ATP2B2: variants seen among roughly 807,000 people sequenced by gnomAD.
The protein encoded by ATP2B2 is ATPase plasma membrane Ca2+ transporting 2.
A neutral mutation model predicts 120.0 loss-of-function variants in ATP2B2; 15 were observed. The ratio of observed to expected loss-of-function variants is 0.12; its 90% CI spans 0.08 to 0.19. The LOEUF (loss-of-function observed/expected upper bound fraction) is 0.19. Ranked by LOEUF, ATP2B2 falls within the 10% of genes least tolerant of loss-of-function variation. The pLI is 1.00. For missense variants in ATP2B2, 1,045 were observed against 1,719.8 expected (o/e 0.61, Z 6.94); for synonymous variants, 694 against 700.3 (o/e 0.99, Z 0.14).
intron 2 of ATP2B2, among the ~76,000 whole-genome samples, chr3:10,553,415 G>A (rs1173067183): frequency 6.6e-6 from 1 of 152,136 alleles, no homozygotes; most frequent in Non-Finnish European, 1.5e-5. Context: ...GGGTGGAGGG[G>A]AAGAACAATG....
At chr3:10,581,000 G>C (rs1053293298) in intron 2 of ATP2B2, among the ~76,000 whole-genome samples, 4 of 152,198 alleles carry the variant, frequency 2.6e-5, no homozygotes, top group Non-Finnish European at 4.4e-5. Context: ...TTAAGTACAG[G>C]CTATGAGACT....
At chr3:10,437,588 G>T (rs150166645) in intron 2 of ATP2B2, among the ~76,000 whole-genome samples, 1 of 152,312 alleles carries the variant, frequency 6.6e-6, no homozygotes, top group African/African-American at 2.4e-5. Flanking sequence ...CAGTGAGCGT[G>T]TCCCTCATTA....
At chr3:10,491,942 G>A (rs1020275727) in intron 1 of ATP2B2, among the ~76,000 whole-genome samples, 11 of 152,156 alleles carry the variant, frequency 7.2e-5, no homozygotes, top group East Asian at 5.8e-4. Flanking sequence ...GTTAAAATGC[G>A]GGGAAAAAAG....
chr3:10,584,177 A>G (rs1391622076), intron 2 of ATP2B2, among the ~76,000 whole-genome samples: 3 of 152,070 alleles, frequency 2.0e-5, no homozygotes, highest in Non-Finnish European at 4.4e-5. Flanking sequence ...GAGGGGGCAG[A>G]GGCAGGGGCT....
intron 1 of ATP2B2, among the ~76,000 whole-genome samples, chr3:10,472,235 G>A (rs948958374): frequency 5.3e-5 from 8 of 152,172 alleles, no homozygotes; most frequent in African/African-American, 1.9e-4. Context: ...GAAAGAGTGA[G>A]GGCAGTGGCC....
intron 3 of ATP2B2, among the ~76,000 whole-genome samples, chr3:10,526,344 T>A (rs1287883526): frequency 6.6e-6 from 1 of 152,084 alleles, no homozygotes; most frequent in Admixed American, 6.5e-5. Flanking sequence ...CAGGGAAGCT[T>A]TGGTGGAAGC....
intron 22 of ATP2B2, among the ~76,000 whole-genome samples, chr3:10,335,930 T>G (rs61584604): frequency 5.3e-4 from 80 of 152,322 alleles, no homozygotes; most frequent in Admixed American, 1.5e-3. Flanking sequence ...TGACTGACCC[T>G]GGTCCACTGA....
At chr3:10,376,166 T>C (rs2061374987) in intron 10 of ATP2B2, among the ~76,000 whole-genome samples, 1 of 152,012 alleles carries the variant, frequency 6.6e-6, no homozygotes, top group Non-Finnish European at 1.5e-5. Context: ...TTCCTGCCCT[T>C]GAGGAGCAGA....
chr3:10,364,502 G>C (rs992601487), intron 12 of ATP2B2, among the ~76,000 whole-genome samples: 2 of 152,048 alleles, frequency 1.3e-5, no homozygotes, highest in African/African-American at 4.8e-5. Flanking sequence ...CTTGAGGTTG[G>C]GAGTTTGAGA....
intron 3 of ATP2B2, among the ~76,000 whole-genome samples, chr3:10,524,767 C>T (rs1053025064): frequency 1.3e-5 from 2 of 152,168 alleles, no homozygotes; most frequent in Non-Finnish European, 2.9e-5. Flanking sequence ...GTTAAGTAAC[C>T]TCTCCTGGCT....
At chr3:10,648,349 C>T (rs184180497) in intron 1 of ATP2B2, among the ~76,000 whole-genome samples, 5 of 152,286 alleles carry the variant, frequency 3.3e-5, no homozygotes, top group Non-Finnish European at 7.4e-5. Flanking sequence ...TTTCTTCCAA[C>T]ATCTCTGGCC....
chr3:10,594,852 C>A (rs1449800160), intron 2 of ATP2B2, among the ~76,000 whole-genome samples: 2 of 152,140 alleles, frequency 1.3e-5, no homozygotes, highest in African/African-American at 4.8e-5. Flanking sequence ...GGTATCATCA[C>A]CCCCATTTTA....
intron 12 of ATP2B2, 111 bp downstream of exon 12, chr3:10,371,698 A>G (rs1458026204): frequency 9.1e-6 from 14 of 1,534,862 alleles, no homozygotes; most frequent in African/African-American, 1.4e-5. Flanking sequence ...CCATACCAAA[A>G]TATATTAGCA....
At chr3:10,418,853 G>A (rs1004609775) in intron 2 of ATP2B2, among the ~76,000 whole-genome samples, 6 of 152,226 alleles carry the variant, frequency 3.9e-5, no homozygotes, top group African/African-American at 9.6e-5. Flanking sequence ...CCAGGCCACC[G>A]GGGTAGCAGT....
At chr3:10,581,994 A>C (rs534756845) in intron 2 of ATP2B2, among the ~76,000 whole-genome samples, 2 of 152,354 alleles carry the variant, frequency 1.3e-5, no homozygotes, top group South Asian at 4.1e-4. Flanking sequence ...ACTGGTCGGA[A>C]TTTGCTGGGC....
At chr3:10,549,241 A>G (rs2067615270) in intron 2 of ATP2B2, among the ~76,000 whole-genome samples, 1 of 152,092 alleles carries the variant, frequency 6.6e-6, no homozygotes, top group Non-Finnish European at 1.5e-5. Flanking sequence ...GCCCCTCCTC[A>G]GTGGCCCCCT....
chr3:10,597,955 C>T (rs551714510), intron 2 of ATP2B2, among the ~76,000 whole-genome samples: 14 of 152,228 alleles, frequency 9.2e-5, no homozygotes, highest in African/African-American at 3.4e-4. Context: ...CATCACATTT[C>T]GGGAGCCGAT....
At chr3:10,462,933 C>T (rs1490653812) in intron 1 of ATP2B2, among the ~76,000 whole-genome samples, 2 of 152,176 alleles carry the variant, frequency 1.3e-5, no homozygotes, top group Non-Finnish European at 2.9e-5. Context: ...AGTGTTGGGT[C>T]CCACTGAGGG....
chr3:10,664,850 C>T (rs1035144013), intron 1 of ATP2B2, among the ~76,000 whole-genome samples: 2 of 152,168 alleles, frequency 1.3e-5, no homozygotes, highest in African/African-American at 4.8e-5. Flanking sequence ...TTCCTCCAGT[C>T]CCTCCCATCT....
Sources: allele counts gnomAD v4.1 joint callset (sites outside exome capture counted in the v4.1 genomes callset), GRCh38; gene constraint gnomAD v4.1.1; transcripts MANE v1.5; gene names NCBI Gene and HGNC (gene_info 2026-07-23, HGNC 2026-07-21).